Variants in ADAMTS6 observed in about 807,000 individuals in gnomAD.
The protein encoded by ADAMTS6 is A disintegrin and metalloproteinase with thrombospondin motifs 6.
A neutral mutation model predicts 144.3 loss-of-function variants in ADAMTS6; 23 were observed. The ratio of observed to expected loss-of-function variants is 0.16; its 90% CI spans 0.11 to 0.23. ADAMTS6 has a LOEUF of 0.23. Ranked by LOEUF, ADAMTS6 falls within the 10% of genes least tolerant of loss-of-function variation. ADAMTS6 has a pLI of 1.00. For missense variants in ADAMTS6, 999 were observed against 1,379.6 expected (o/e 0.72, Z 4.37); for synonymous variants, 444 against 457.5 (o/e 0.97, Z 0.38).
chr5:65,437,315 C>A (rs1217226129), intron 7 of ADAMTS6, among the ~76,000 whole-genome samples: 2 of 151,964 alleles, frequency 1.3e-5, no homozygotes, highest in Non-Finnish European at 2.9e-5. Flanking sequence ...AGGATGGTCT[C>A]GATATCCTGA....
At position 65,273,328 on chromosome 5, in the gene ADAMTS6, C is replaced by T. The variant is rs1762200056; in HGVS notation, c.1620+12G>A. On this transcript the variant is annotated intron_variant, in intron 12 of 24. Coordinates refer to ENST00000381055, the MANE Select transcript of ADAMTS6 (RefSeq NM_197941.4). ...TATACATGTCAAACAGGTAGTAAATCATTGAGCTTACCCCTTTTTCAATAT... is the reference window on the plus strand; with the variant it reads ...TATACATGTCAAACAGGTAGTAAATTATTGAGCTTACCCCTTTTTCAATAT... 1 of 1,611,282 alleles carries T rather than the reference C, an allele frequency of 6.2e-7. No individual in the cohort carries two copies. Among genetic ancestry groups the T allele is most frequent in the Non-Finnish European group, 8.5e-7 (1 of 1,177,578 alleles).
intron 10 of ADAMTS6, among the ~76,000 whole-genome samples, chr5:65,299,116 T>A (rs1307667206): frequency 6.6e-6 from 1 of 152,228 alleles, no homozygotes; most frequent in South Asian, 2.1e-4. Context: ...AAAATAATGG[T>A]AAAGCAATAA....
At chr5:65,304,617 A>G (rs1435523792) in intron 9 of ADAMTS6, among the ~76,000 whole-genome samples, 1 of 152,164 alleles carries the variant, frequency 6.6e-6, no homozygotes, top group African/African-American at 2.4e-5. Context: ...ATTTTCATAA[A>G]GACGGGATCT....
chr5:65,396,927 T>C (rs1316429624), intron 7 of ADAMTS6, among the ~76,000 whole-genome samples: 1 of 152,212 alleles, frequency 6.6e-6, no homozygotes, highest in Non-Finnish European at 1.5e-5. Flanking sequence ...ATTTCTTTTG[T>C]AAATATTTTG....
At chr5:65,471,991 T>C (rs1207190650) in intron 2 of ADAMTS6, among the ~76,000 whole-genome samples, 1 of 152,134 alleles carries the variant, frequency 6.6e-6, no homozygotes, top group African/African-American at 2.4e-5. Flanking sequence ...AAAAGGGGAA[T>C]TAAACCAAAT....
At chr5:65,322,300 A>G (rs1175518378) in intron 9 of ADAMTS6, among the ~76,000 whole-genome samples, 1 of 152,178 alleles carries the variant, frequency 6.6e-6, no homozygotes, top group Non-Finnish European at 1.5e-5. Flanking sequence ...GCCAAGTAGC[A>G]TGATGTCTCT....
rs546454816 is a variant in ADAMTS6, at chr5:65,443,329, G to C, written c.1073+8146C>G. Reference sequence around the variant, plus strand: ...ATTGAGTTCATCTTAAGAATGAAAGGTTGTTTTGGCCAGGCACAGTGTGGC... The same window carrying C: ...ATTGAGTTCATCTTAAGAATGAAAGCTTGTTTTGGCCAGGCACAGTGTGGC... On this transcript the variant is annotated intron_variant, in intron 7 of 24. Coordinates refer to ENST00000381055, the MANE Select transcript of ADAMTS6 (RefSeq NM_197941.4). 2.6e-5 allele frequency among the ~76,000 whole-genome samples: 4 copies of C among 152,140 alleles called. No homozygotes were observed. The South Asian group carries it at 8.3e-4, about 32-fold the overall frequency.
chr5:65,199,236 C>T (rs1755583414), intron 20 of ADAMTS6, among the ~76,000 whole-genome samples: 1 of 152,156 alleles, frequency 6.6e-6, no homozygotes, highest in South Asian at 2.1e-4. Context: ...CTCAACACTA[C>T]AAAATACAAC....
In ADAMTS6 at chr5:65,263,137, C is replaced by T. The variant is rs141301531; in HGVS notation, c.1621-175G>A. On this transcript the variant is annotated intron_variant, in intron 12 of 24. Transcript: ENST00000381055. The stretch of plus-strand genomic sequence containing the variant: ...CACTGGTGAATGTGCATGTGACTTG[C>T]GAATTATCTTAGCTAGACCATGATT... Among the ~76,000 whole-genome samples, 147 of 152,178 alleles carry T rather than the reference C, an allele frequency of 9.7e-4. 1 individual carries two copies. The highest frequency in any genetic ancestry group is 3.2e-3 in the African/African-American group (132 of 41,538).
intron 7 of ADAMTS6, among the ~76,000 whole-genome samples, chr5:65,363,432 G>A (rs192129849): frequency 2.2e-4 from 33 of 152,102 alleles, no homozygotes; most frequent in African/African-American, 7.5e-4. Flanking sequence ...ATGCTATGCT[G>A]GCATTTTAAA....
At chr5:65,357,501 T>A (rs1448886145) in intron 7 of ADAMTS6, among the ~76,000 whole-genome samples, 1 of 150,350 alleles carries the variant, frequency 6.7e-6, no homozygotes, top group African/African-American at 2.4e-5. Flanking sequence ...AGGAAGAAGA[T>A]CAAAGCAAAA....
At chr5:65,211,369 A>T (rs1756521376) in intron 20 of ADAMTS6, among the ~76,000 whole-genome samples, 1 of 152,190 alleles carries the variant, frequency 6.6e-6, no homozygotes, top group Non-Finnish European at 1.5e-5. Context: ...TGGGAGGCTG[A>T]CGCAGGTGGG....
intron 9 of ADAMTS6, among the ~76,000 whole-genome samples, chr5:65,324,120 TA>T (rs1745932056): frequency 6.6e-6 from 1 of 152,218 alleles, no homozygotes; most frequent in African/African-American, 2.4e-5. Context: ...CTCTTTAGTT[TA>T]ATTATATCCC....
intron 7 of ADAMTS6, among the ~76,000 whole-genome samples, chr5:65,411,551 C>T (rs938669407): frequency 2.5e-4 from 38 of 152,128 alleles, no homozygotes; most frequent in African/African-American, 9.2e-4. Flanking sequence ...TGTGTCAATC[C>T]TTCCCCATAG....
chr5:65,239,129 A>AG (rs769433075), intron 15 of ADAMTS6, among the ~76,000 whole-genome samples: 4 of 151,660 alleles, frequency 2.6e-5, no homozygotes, highest in Non-Finnish European at 5.9e-5. Flanking sequence ...GGGTAGGGGG[A>AG]GGGGGGAGAG....
At chr5:65,308,025 T>G (rs1280565200) in intron 9 of ADAMTS6, among the ~76,000 whole-genome samples, 5 of 152,214 alleles carry the variant, frequency 3.3e-5, no homozygotes, top group Non-Finnish European at 7.3e-5. Flanking sequence ...TTATCTAAGC[T>G]CTGATGCCAG....
chr5:65,345,134 G>A (rs1748197125), intron 7 of ADAMTS6, among the ~76,000 whole-genome samples: 1 of 151,742 alleles, frequency 6.6e-6, no homozygotes, highest in African/African-American at 2.4e-5. Context: ...TGTTTATAAT[G>A]TTTATAGAGT....
chr5:65,465,516 A>T (rs559729702), intron 3 of ADAMTS6, among the ~76,000 whole-genome samples: 4 of 152,138 alleles, frequency 2.6e-5, no homozygotes, highest in South Asian at 2.1e-4. Context: ...GCTACTGAAA[A>T]TTTTTTTGCT....
chr5:65,291,360 T>A lies in ADAMTS6; in HGVS notation c.1481A>T (p.Tyr494Phe). 1 of 1,613,916 alleles carries A rather than the reference T, an allele frequency of 6.2e-7. No homozygotes were observed. Among genetic ancestry groups the A allele is most frequent in the Non-Finnish European group, 8.5e-7 (1 of 1,179,908 alleles). ...TTTACATTGGCGGGAGGTTGCTCCATACTGGAAACGACATTGCTCATCAGC... is the reference window on the plus strand; with the variant it reads ...TTTACATTGGCGGGAGGTTGCTCCAAACTGGAAACGACATTGCTCATCAGC... The part of the protein sequence containing the change: ...YDADEQCRFQ[Y>F]GATSRQCKYG... The change falls in exon 11 of 25, where the codon TAT becomes TTT. Residue 494 changes from tyrosine (Y) to phenylalanine (F), a missense_variant. Transcript: ENST00000381055.
Sources: gnomAD v4.1 joint callset for allele counts (sites outside exome capture counted in the v4.1 genomes callset) on GRCh38, gnomAD v4.1.1 for gene constraint, MANE v1.5 for transcripts, NCBI Gene and HGNC (gene_info 2026-07-23, HGNC 2026-07-21) for gene names.